CATSPERD: variants seen among roughly 807,000 people sequenced by gnomAD.
The protein encoded by CATSPERD is cation channel sperm-associated auxiliary subunit delta.
Under a neutral mutation model 98.1 loss-of-function variants are expected in CATSPERD, and 86 were observed. That is an observed-to-expected ratio of 0.88 (90% confidence interval 0.74 to 1.05). The LOEUF is 1.05. Among genes scored for constraint, CATSPERD ranks in the 50% least tolerant of loss-of-function variants. The probability of loss-of-function intolerance (pLI) is 0.00; values close to 1 mark genes in which losing one functional copy is unlikely to be tolerated. For synonymous variants in CATSPERD, 394 were observed against 390.2 expected, an observed-to-expected ratio of 1.01 and a Z score of -0.12; for missense variants, 995 against 1,005.7, an observed-to-expected ratio of 0.99 and a Z score of 0.14.
At chr19:5,760,073 C>CAAA (rs60075484) in intron 15 of CATSPERD, among the ~76,000 whole-genome samples, 102 of 48,046 alleles carry the variant, frequency 2.1e-3, no homozygotes, top group South Asian at 3.7e-3. Context: ...GACTCCATCT[C>CAAA]AAAAAAAAAA....
chr19:5,731,556 A>G (rs1340892711), intron 4 of CATSPERD, among the ~76,000 whole-genome samples: 1 of 107,418 alleles, frequency 9.3e-6, no homozygotes, highest in Non-Finnish European at 2.0e-5. Flanking sequence ...AGCGACACTT[A>G]ACAGTTTTTT....
At chr19:5,731,549 G>A (rs187024186) in intron 4 of CATSPERD, among the ~76,000 whole-genome samples, 15 of 134,060 alleles carry the variant, frequency 1.1e-4, no homozygotes, top group African/African-American at 3.5e-4. Flanking sequence ...TCCTAAAAGC[G>A]ACACTTAACA....
chr19:5,735,803 G>T (rs560953804), intron 5 of CATSPERD, among the ~76,000 whole-genome samples: 1 of 110,400 alleles, frequency 9.1e-6, no homozygotes, highest in Non-Finnish European at 1.8e-5. Flanking sequence ...TTGAGACGGC[G>T]TCTTGCTCTG....
intron 3 of CATSPERD, among the ~76,000 whole-genome samples, chr19:5,728,356 C>CAAAAAAAAAAAAAAAAAAAA (rs564166119): frequency 2.5e-5 from 2 of 80,940 alleles, no homozygotes; most frequent in South Asian, 4.2e-4. Context: ...GACTCTGTCT[C>CAAAAAAAAAAAAAAAAAAAA]AAAAAAAAAA....
At chr19:5,757,459 G>A (rs1268831018) in intron 13 of CATSPERD, among the ~76,000 whole-genome samples, 2 of 151,390 alleles carry the variant, frequency 1.3e-5, no homozygotes, top group Admixed American at 1.3e-4. Context: ...CACCATGCCT[G>A]GCTAATTTTG....
intron 4 of CATSPERD, among the ~76,000 whole-genome samples, chr19:5,730,176 T>C (rs1430299419): frequency 6.6e-6 from 1 of 152,172 alleles, no homozygotes; most frequent in Non-Finnish European, 1.5e-5. Flanking sequence ...AGAGTGGATG[T>C]AGGTCCTCTT....
intron 1 of CATSPERD, 54 bp downstream of exon 1, chr19:5,720,862 C>A: frequency 6.8e-7 from 1 of 1,480,358 alleles, no homozygotes; most frequent in Non-Finnish European, 9.2e-7. Flanking sequence ...CGGGAGGGTG[C>A]TGGTTCATCT....
chr19:5,727,675 C>G (rs887955475), intron 3 of CATSPERD, among the ~76,000 whole-genome samples: 1 of 152,108 alleles, frequency 6.6e-6, no homozygotes, highest in Non-Finnish European at 1.5e-5. Context: ...TAGGAGTTCA[C>G]TGGGATGGTG....
At chr19:5,737,297 A>G in intron 6 of CATSPERD, 92 bp downstream of exon 6, 1 of 834,950 alleles carries the variant, frequency 1.2e-6, no homozygotes, top group East Asian at 2.8e-5. Flanking sequence ...GTGGTGGCTC[A>G]TACCTGTAAT....
At chr19:5,722,247 G>C (rs2055502154) in intron 1 of CATSPERD, among the ~76,000 whole-genome samples, 2 of 152,166 alleles carry the variant, frequency 1.3e-5, no homozygotes, top group South Asian at 4.1e-4. Context: ...TCAGCCTCCA[G>C]AGTAGTTGGG....
At chr19:5,748,489 G>A (rs2056138973) in intron 10 of CATSPERD, among the ~76,000 whole-genome samples, 1 of 151,610 alleles carries the variant, frequency 6.6e-6, no homozygotes, top group Admixed American at 6.6e-5. Context: ...AAATAAGCTG[G>A]GCGTGGTGGT....
intron 18 of CATSPERD, among the ~76,000 whole-genome samples, chr19:5,769,745 T>C (rs945836292): frequency 6.6e-6 from 1 of 152,256 alleles, no homozygotes; most frequent in East Asian, 1.9e-4. Flanking sequence ...CTATGTGGGC[T>C]GTATTGCAAA....
chr19:5,757,710 G>A lies in CATSPERD; in HGVS notation c.1279-133G>A, dbSNP rs182006850. 4.3e-3 allele frequency: 2,533 copies of A among 592,720 alleles called. 12 individuals are homozygous for A. Among genetic ancestry groups the A allele is most frequent in the Middle Eastern group, 0.022 (58 of 2,614 alleles). The allele number at this position is 592,720 out of a possible 1,614,324, so 36.7% of individuals were successfully genotyped here. ...CTCACCTTGGTCTCCCAAAGTGCTG[G>A]GATTACAGATATGAGCCACTACACC... On this transcript the variant is annotated intron_variant, in intron 13 of 21. Transcript: ENST00000381624.
At chr19:5,763,123 G>A in intron 15 of CATSPERD, 92 bp from the exon 16 acceptor site, 1 of 915,364 alleles carries the variant, frequency 1.1e-6, no homozygotes, top group Non-Finnish European at 1.8e-6. Context: ...TGGATGCACG[G>A]ATGACTGAAT....
At chr19:5,736,607 G>C (rs2055851001) in intron 5 of CATSPERD, among the ~76,000 whole-genome samples, 2 of 152,048 alleles carry the variant, frequency 1.3e-5, no homozygotes, top group Admixed American at 6.6e-5. Context: ...ATTCCAGCTT[G>C]AGAGGCTGAG....
intron 17 of CATSPERD, among the ~76,000 whole-genome samples, chr19:5,767,691 G>A (rs1249083955): frequency 1.3e-5 from 2 of 151,542 alleles, no homozygotes; most frequent in Non-Finnish European, 2.9e-5. Context: ...GTTTCACCGT[G>A]TTAGCCAGGA....
intron 1 of CATSPERD, among the ~76,000 whole-genome samples, chr19:5,722,076 C>G (rs1198631881): frequency 6.6e-6 from 1 of 151,900 alleles, no homozygotes; most frequent in African/African-American, 2.4e-5. Flanking sequence ...CTCAGCCTCC[C>G]AAAGTGTTGG....
chr19:5,724,765 T>C (rs754276330), intron 1 of CATSPERD, 43 bp from the exon 2 acceptor site: 1 of 1,591,524 alleles, frequency 6.3e-7, no homozygotes, highest in South Asian at 1.1e-5. Context: ...TCATGCTGAA[T>C]ATTCAATAAA....
intron 20 of CATSPERD, chr19:5,775,107 G>A (rs2056716876): frequency 2.8e-6 from 1 of 361,662 alleles, no homozygotes; most frequent in East Asian, 8.9e-5. Flanking sequence ...CCTGAAAGCA[G>A]GCATGTGGCA....
Sources: allele counts gnomAD v4.1 joint callset (sites outside exome capture counted in the v4.1 genomes callset), GRCh38; gene constraint gnomAD v4.1.1; transcripts MANE v1.5; gene names NCBI Gene and HGNC (gene_info 2026-07-23, HGNC 2026-07-21).